The following AFF2 variants were observed in gnomAD, a reference collection of about 807,000 sequenced individuals.
The protein encoded by AFF2 is ALF transcription elongation factor 2, also known as AF4/FMR2 family member 2.
A neutral mutation model predicts 76.9 loss-of-function variants in AFF2; 14 were observed. The observed-to-expected ratio is 0.18, with a 90% CI of 0.12 to 0.28. The LOEUF is 0.28. Among genes scored for constraint, AFF2 ranks in the 10% least tolerant of loss-of-function variants. The pLI, the probability that AFF2 is intolerant of heterozygous loss-of-function variation, is 1.00. For synonymous variants in AFF2, 398 were observed against 366.7 expected (o/e 1.09, Z -0.98); for missense variants, 868 against 1,001.1 (o/e 0.87, Z 1.79).
intron 9 of AFF2, among the ~76,000 whole-genome samples, chrX:148,922,273 T>C (rs1282441104): frequency 8.9e-6 from 1 of 112,139 alleles, no homozygotes; most frequent in African/African-American, 3.2e-5. Flanking sequence ...CATGAACTAG[T>C]GAACACAGAG....
chrX:148,573,211 A>C (rs1178419909), intron 1 of AFF2, among the ~76,000 whole-genome samples: 4 of 111,834 alleles, frequency 3.6e-5, no homozygotes, highest in Non-Finnish European at 7.5e-5. Context: ...TGGATCAACC[A>C]GCAATGACAG....
At chrX:148,809,277 A>G (rs2070174446) in intron 3 of AFF2, among the ~76,000 whole-genome samples, 1 of 112,047 alleles carries the variant, frequency 8.9e-6, no homozygotes, top group Non-Finnish European at 1.9e-5. Flanking sequence ...CCTGACATGG[A>G]GTAAACCCTC....
intron 3 of AFF2, among the ~76,000 whole-genome samples, chrX:148,761,763 T>G (rs1226562013): frequency 9.0e-6 from 1 of 110,571 alleles, no homozygotes; most frequent in Non-Finnish European, 1.9e-5. Flanking sequence ...ATAGTGCCTG[T>G]TGCATAGTAG....
chrX:148,967,655 A>G lies in AFF2; in HGVS notation c.3230A>G (p.Gln1077Arg), dbSNP rs1557288987. The G allele has an allele frequency of 8.3e-7, 1 of 1,210,191 alleles. No individual in the cohort carries two copies. Among genetic ancestry groups the G allele is most frequent in the Non-Finnish European group, 1.1e-6 (1 of 894,266 alleles). ...DSVHNADYYM[Q>R]EAKKLKHKAD... ...GTTCACAATGCTGATTATTACATGCAAGAAGCTAAGAAGCTGAAGCACAAA... is the reference window on the plus strand; with the variant it reads ...GTTCACAATGCTGATTATTACATGCGAGAAGCTAAGAAGCTGAAGCACAAA... The change falls in exon 15 of 21, where the codon CAA becomes CGA. Residue 1077 changes from glutamine to arginine, a missense_variant. Physicochemically the swap from Gln to Arg is conservative, Grantham distance 43 (BLOSUM62 1). Coordinates refer to ENST00000370460, the MANE Select transcript of AFF2 (RefSeq NM_002025.4).
rs1557262160 is a variant in AFF2, at chrX:148,704,346, A to G, written c.1041+41578A>G. Among the ~76,000 whole-genome samples, 147 of 67,248 alleles carry G rather than the reference A, an allele frequency of 2.2e-3. 16 individuals are homozygous for G. The highest frequency in any genetic ancestry group is 8.9e-3 in the African/African-American group (141 of 15,799). The allele number at this position is 67,248 out of a possible 115,157, so 58.4% of individuals were successfully genotyped here. ...TATATTTATATATATGTGTGTATATATATATTTATATATATATGTGTGTAT... is the reference window on the plus strand; with the variant it reads ...TATATTTATATATATGTGTGTATATGTATATTTATATATATATGTGTGTAT... On this transcript the variant is annotated intron_variant, in intron 3 of 20. Coordinates refer to ENST00000370460, the MANE Select transcript of AFF2 (RefSeq NM_002025.4).
rs782166617 is a variant in AFF2, at chrX:148,755,042, G to A, written c.1042-54834G>A. 7.2e-5 allele frequency among the ~76,000 whole-genome samples: 8 copies of A among 111,696 alleles called. No individual in the cohort carries two copies. The East Asian group carries it at 1.7e-3, about 24-fold the overall frequency. ...TCATGTTGATTGTAGTGGTGATTACGTTTTGTAACTGTCCTAGCGAGTGTA... is the reference window on the plus strand; with the variant it reads ...TCATGTTGATTGTAGTGGTGATTACATTTTGTAACTGTCCTAGCGAGTGTA... On this transcript the variant is annotated intron_variant, in intron 3 of 20. Coordinates refer to ENST00000370460, the MANE Select transcript of AFF2 (RefSeq NM_002025.4).
intron 1 of AFF2, among the ~76,000 whole-genome samples, chrX:148,591,797 A>G (rs1557246673): frequency 1.8e-5 from 2 of 112,270 alleles, no homozygotes; most frequent in African/African-American, 6.5e-5. Context: ...TTTTTAAAAA[A>G]CATCTTTTCT....
chrX:148,843,598 C>A (rs1437676698), intron 7 of AFF2, among the ~76,000 whole-genome samples, 165 bp downstream of exon 7: 1 of 111,231 alleles, frequency 9.0e-6, no homozygotes, highest in African/African-American at 3.3e-5. Context: ...TCAAATTTCC[C>A]ATTGTCTTAG....
intron 3 of AFF2, among the ~76,000 whole-genome samples, chrX:148,806,005 C>T (rs1557271301): frequency 8.9e-6 from 1 of 112,240 alleles, no homozygotes; most frequent in African/African-American, 3.2e-5. Context: ...GGCTAACTTG[C>T]GCTTTGTGGA....
chrX:148,993,518 A>G lies in AFF2; in HGVS notation c.*2186A>G, dbSNP rs1192642889. On this transcript the variant is annotated 3_prime_UTR_variant, in exon 21 of 21. Coordinates refer to ENST00000370460, the MANE Select transcript of AFF2 (RefSeq NM_002025.4). ...TCAACCTAAACCACAATCCTAGACCATCATGGATTTAGGAGTAGATTCTTC... is the reference window on the plus strand; with the variant it reads ...TCAACCTAAACCACAATCCTAGACCGTCATGGATTTAGGAGTAGATTCTTC... 8.9e-6 allele frequency: 1 copy of G among 112,156 alleles called. No homozygotes were observed. The highest frequency in any genetic ancestry group is 9.4e-5 in the Admixed American group (1 of 10,600). The allele number at this position is 112,156 out of a possible 1,213,427, so 9.2% of individuals were successfully genotyped here.
intron 1 of AFF2, among the ~76,000 whole-genome samples, chrX:148,522,573 G>T (rs1557234662): frequency 3.6e-5 from 4 of 111,832 alleles, no homozygotes; most frequent in Non-Finnish European, 7.5e-5. Flanking sequence ...TACTGTTCTA[G>T]GTCTGCATTG....
At chrX:148,593,041 G>T (rs192235790) in intron 1 of AFF2, among the ~76,000 whole-genome samples, 1 of 111,428 alleles carries the variant, frequency 9.0e-6, no homozygotes, top group African/African-American at 3.3e-5. Context: ...GAAATAGATC[G>T]CTCTGCTGAC....
At chrX:148,959,718 A>G (rs782632239) in intron 12 of AFF2, among the ~76,000 whole-genome samples, 4 of 112,558 alleles carry the variant, frequency 3.6e-5, no homozygotes, top group Non-Finnish European at 7.5e-5. Context: ...TCTCAGAACT[A>G]GAGACCCTTC....
intron 9 of AFF2, among the ~76,000 whole-genome samples, chrX:148,943,545 G>A (rs1289940303): frequency 1.8e-5 from 2 of 112,071 alleles, no homozygotes; most frequent in Non-Finnish European, 3.8e-5. Flanking sequence ...GGTATCCTTC[G>A]ATAACTGTTC....
chrX:148,795,715 A>G (rs2069959064), intron 3 of AFF2, among the ~76,000 whole-genome samples: 1 of 91,728 alleles, frequency 1.1e-5, no homozygotes, highest in Non-Finnish European at 2.1e-5. Flanking sequence ...AGGCAGGAGA[A>G]CCGCTTGAAC....
At chrX:148,588,403 G>C (rs2053490096) in intron 1 of AFF2, among the ~76,000 whole-genome samples, 1 of 112,480 alleles carries the variant, frequency 8.9e-6, no homozygotes. Context: ...TACTTTGTTA[G>C]TCCCTCCAAC....
At chrX:148,708,731 A>C (rs1328598675) in intron 3 of AFF2, among the ~76,000 whole-genome samples, 1 of 112,500 alleles carries the variant, frequency 8.9e-6, no homozygotes, top group Non-Finnish European at 1.9e-5. Flanking sequence ...AAACAAAACA[A>C]AACAAAATTA....
chrX:148,948,351 C>T (rs1766707652), intron 9 of AFF2, among the ~76,000 whole-genome samples: 1 of 111,669 alleles, frequency 9.0e-6, no homozygotes, highest in African/African-American at 3.3e-5. Flanking sequence ...ACAAATGCCT[C>T]CTCACATGTT....
chrX:148,695,694 AT>A lies in AFF2; in HGVS notation c.1041+32932del, dbSNP rs781877829. 7.1e-5 allele frequency among the ~76,000 whole-genome samples: 8 copies of A among 112,677 alleles called. No individual in the cohort carries two copies. In the East Asian group the frequency reaches 2.2e-3, roughly 31 times the overall value. ...AAGAATACATAAACATAAATTAAAC[AT>A]TTTTTAAACTGCTAAGAATGTGGGA... On this transcript the variant is annotated intron_variant, in intron 3 of 20. Coordinates refer to ENST00000370460, the MANE Select transcript of AFF2 (RefSeq NM_002025.4).
Sources: gnomAD v4.1 joint callset for allele counts (sites outside exome capture counted in the v4.1 genomes callset) on GRCh38, gnomAD v4.1.1 for gene constraint, MANE v1.5 for transcripts, NCBI Gene and HGNC (gene_info 2026-07-23, HGNC 2026-07-21) for gene names.